EVI5L: variants seen among roughly 807,000 people sequenced by gnomAD.
The protein encoded by EVI5L is ecotropic viral integration site 5 like, also known as EVI5-like protein.
EVI5L carries 30 observed loss-of-function variants against 106.1 expected under a neutral mutation model. The observed-to-expected ratio is 0.28, with a 90% confidence interval of 0.21 to 0.38. The LOEUF (loss-of-function observed/expected upper bound fraction) is 0.38. Ranked by LOEUF, EVI5L falls within the 10% of genes least tolerant of loss-of-function variation. The pLI, the probability that EVI5L is intolerant of heterozygous loss-of-function variation, is 1.00. For missense variants in EVI5L, 809 were observed against 1,098.0 expected (o/e 0.74, Z 3.72); for synonymous variants, 489 against 483.3 (o/e 1.01, Z -0.15).
chr19:7,836,299 C>T (rs1044841023), intron 1 of EVI5L, among the ~76,000 whole-genome samples: 1 of 152,116 alleles, frequency 6.6e-6, no homozygotes, highest in South Asian at 2.1e-4. Flanking sequence ...GGAAAGGAAA[C>T]TCGGGGTCTT....
At chr19:7,843,200 GGT>G (rs1231261671) in intron 1 of EVI5L, among the ~76,000 whole-genome samples, 150 of 115,918 alleles carry the variant, frequency 1.3e-3, no homozygotes, top group Middle Eastern at 7.4e-3. Context: ...TGTGTATAGG[GGT>G]GTGTGTGTGA....
At chr19:7,838,520 T>A (rs988072916) in intron 1 of EVI5L, among the ~76,000 whole-genome samples, 1 of 152,242 alleles carries the variant, frequency 6.6e-6, no homozygotes, top group Non-Finnish European at 1.5e-5. Context: ...ACGTAACTTA[T>A]CACTGTTGAT....
rs933470126 is a variant in EVI5L at position 7,863,775 on chromosome 19, C to T, written c.*73C>T. On this transcript the variant is annotated 3_prime_UTR_variant, in exon 20 of 20. Transcript: ENST00000538904. The surrounding 1 kb of genome is among the most constrained non-coding windows in gnomAD (Gnocchi z 7.7). ...CGCCCGGGCAGTCCGCGTTCTGCTCCCCACCTGCCGCACTTGACAAACTAC... is the reference window on the plus strand; with the variant it reads ...CGCCCGGGCAGTCCGCGTTCTGCTCTCCACCTGCCGCACTTGACAAACTAC... 137 of 1,415,064 alleles carry T rather than the reference C, an allele frequency of 9.7e-5. 1 individual carries two copies. Among genetic ancestry groups the T allele is most frequent in the Admixed American group, 4.2e-4 (14 of 33,642 alleles). 87.7% of individuals were successfully genotyped at this position (1,415,064 alleles called of 1,614,324 possible). A position where few individuals can be genotyped will look rare whatever the true frequency, so the allele number is the denominator to read the frequency against.
chr19:7,834,675 A>G (rs1175483058), intron 1 of EVI5L, among the ~76,000 whole-genome samples: 1 of 152,222 alleles, frequency 6.6e-6, no homozygotes, highest in Non-Finnish European at 1.5e-5. Flanking sequence ...AGTGGGCTAG[A>G]CAGCCCCAGC....
intron 1 of EVI5L, among the ~76,000 whole-genome samples, chr19:7,839,187 C>G (rs568376653): frequency 2.2e-4 from 33 of 151,720 alleles, no homozygotes; most frequent in African/African-American, 7.7e-4. Flanking sequence ...CCTGTAGTCC[C>G]AGCTACTCAG....
Position 7,856,120 on chromosome 19 carries a change from C to T in EVI5L, c.1200+52C>T. 7.7e-7 allele frequency: 1 copy of T among 1,306,704 alleles called. No individual in the cohort carries two copies. Among genetic ancestry groups the T allele is most frequent in the Non-Finnish European group, 9.9e-7 (1 of 1,015,100 alleles). The allele number at this position is 1,306,704 out of a possible 1,614,324, so 80.9% of individuals were successfully genotyped here. A position where few individuals can be genotyped will look rare whatever the true frequency, so the allele number is the denominator to read the frequency against. On this transcript the variant is annotated intron_variant, in intron 11 of 19. Coordinates refer to ENST00000538904, the MANE Select transcript of EVI5L (RefSeq NM_001159944.3). The surrounding 1 kb of genome is among the most constrained non-coding windows in gnomAD (Gnocchi z 6.6). ...ATGGTCGCCATGGGGTGTGACCCAC[C>T]ATGCGGGGCATGGCCGCTAACCTGG...
chr19:7,848,204 G>A lies in EVI5L; in HGVS notation c.327+283G>A, dbSNP rs1165309753. Among the ~76,000 whole-genome samples, 1 of 152,156 alleles carries A rather than the reference G, an allele frequency of 6.6e-6. No individual in the cohort carries two copies. The highest frequency in any genetic ancestry group is 2.4e-5 in the African/African-American group (1 of 41,428). ...GTGGTGGCTCACGCCTGGAATCTCA[G>A]CACTTTGGGCGGCCAAGGTGGGAGG... On this transcript the variant is annotated intron_variant, in intron 3 of 19. Coordinates refer to ENST00000538904, the MANE Select transcript of EVI5L (RefSeq NM_001159944.3). The surrounding 1 kb of genome is among the most constrained non-coding windows in gnomAD (Gnocchi z 4.8).
At chr19:7,859,689 G>T (rs116635398) in intron 13 of EVI5L, among the ~76,000 whole-genome samples, 4,437 of 152,338 alleles carry the variant, frequency 0.029, 195 homozygotes, top group African/African-American at 0.099. Flanking sequence ...CGCCTTTCAG[G>T]CTCGTTAGAG....
chr19:7,860,196 C>A (rs1039861982), intron 13 of EVI5L, among the ~76,000 whole-genome samples: 2 of 152,218 alleles, frequency 1.3e-5, no homozygotes, highest in Non-Finnish European at 2.9e-5. Flanking sequence ...TCCCCCACCC[C>A]CTGCCTCGCC....
Position 7,849,291 on chromosome 19 carries a change from C to A in EVI5L, c.588C>A (p.Cys196Ter). 1 of 1,614,186 alleles carries A rather than the reference C, an allele frequency of 6.2e-7. No homozygotes were observed. The highest frequency in any genetic ancestry group is 8.5e-7 in the Non-Finnish European group (1 of 1,180,040). Residue 196 changes from cysteine to a stop codon, truncating the protein, a stop_gained, in exon 5 of 20, where the codon TGC becomes TGA. Coordinates refer to ENST00000538904, the MANE Select transcript of EVI5L (RefSeq NM_001159944.3). LOFTEE classifies it high-confidence loss of function. ...YSLVDREVGY[C>*]QGSAFIVGLL... ...TGGTAGACCGGGAGGTGGGCTACTG[C>A]CAGGGAAGCGCCTTCATCGTGGGCC...
At chr19:7,838,262 C>A (rs1978440876) in intron 1 of EVI5L, among the ~76,000 whole-genome samples, 1 of 152,110 alleles carries the variant, frequency 6.6e-6, no homozygotes, top group South Asian at 2.1e-4. Flanking sequence ...GCATGTGCCA[C>A]CACGCCCAGC....
intron 1 of EVI5L, among the ~76,000 whole-genome samples, chr19:7,833,890 G>A (rs1183155007): frequency 6.6e-6 from 1 of 152,202 alleles, no homozygotes; most frequent in Non-Finnish European, 1.5e-5. Context: ...GAGTTTAGGA[G>A]AACTAACTCA....
Position 7,849,988 on chromosome 19 carries a change from C to A in EVI5L, c.628-9C>A, listed in dbSNP as rs751446273. 2 of 1,583,904 alleles carry A rather than the reference C, an allele frequency of 1.3e-6. No individual in the cohort carries two copies. The highest frequency in any genetic ancestry group is 1.7e-6 in the Non-Finnish European group (2 of 1,164,886). On this transcript the variant is annotated splice_polypyrimidine_tract_variant and intron_variant, in intron 5 of 19. Transcript: ENST00000538904. Reference sequence around the variant, plus strand: ...GCCCTGAGCCCCCCCACCTGCCCGTCCCCCCTAGATGCCTGAGGAGGAGGC... The same window carrying A: ...GCCCTGAGCCCCCCCACCTGCCCGTACCCCCTAGATGCCTGAGGAGGAGGC...
intron 1 of EVI5L, among the ~76,000 whole-genome samples, chr19:7,843,082 GGT>G (rs1378504723): frequency 5.4e-5 from 8 of 148,922 alleles, no homozygotes; most frequent in Middle Eastern, 3.7e-3. Flanking sequence ...TGTGTGTATA[GGT>G]GTGTGAGTGT....
intron 13 of EVI5L, among the ~76,000 whole-genome samples, chr19:7,859,893 G>A (rs56188716): frequency 0.076 from 11,601 of 152,318 alleles, 528 homozygotes; most frequent in Non-Finnish European, 0.1. Context: ...AGACCCACAG[G>A]AAGAGGATGG....
Position 7,846,513 on chromosome 19 carries a change from C to A in EVI5L, c.-30C>A, listed in dbSNP as rs775897230. ...GCCCCCAGACAGAGCTGTGAACCAACCCCGCTCACGGCTAACAAGCCCACC... is the reference window on the plus strand; with the variant it reads ...GCCCCCAGACAGAGCTGTGAACCAAACCCGCTCACGGCTAACAAGCCCACC... On this transcript the variant is annotated 5_prime_UTR_variant, in exon 2 of 20. Transcript: ENST00000538904. 1.9e-6 allele frequency: 3 copies of A among 1,593,400 alleles called. No individual in the cohort carries two copies. The highest frequency in any genetic ancestry group is 1.8e-5 in the Admixed American group (1 of 56,076).
At position 7,848,052 on chromosome 19, in the gene EVI5L, G is replaced by T. The variant is rs1221073215; in HGVS notation, c.327+131G>T. 3.0e-6 allele frequency: 3 copies of T among 986,436 alleles called. No individual in the cohort carries two copies. The highest frequency in any genetic ancestry group is 4.4e-6 in the Non-Finnish European group (3 of 687,396). 61.1% of individuals were successfully genotyped at this position (986,436 alleles called of 1,614,324 possible). A position where few individuals can be genotyped will look rare whatever the true frequency, so the allele number is the denominator to read the frequency against. On this transcript the variant is annotated intron_variant, in intron 3 of 19. Transcript: ENST00000538904. The surrounding 1 kb of genome is among the most constrained non-coding windows in gnomAD (Gnocchi z 4.8). The stretch of plus-strand genomic sequence containing the variant: ...CAGCGGCAGCAGTGGAGATGTGCAG[G>T]CACTTTCAGGGTGTCCTGCCAGAGC...
At chr19:7,836,008 G>A (rs572730728) in intron 1 of EVI5L, among the ~76,000 whole-genome samples, 84 of 151,796 alleles carry the variant, frequency 5.5e-4, no homozygotes, top group Middle Eastern at 3.4e-3. Flanking sequence ...AGGCCGAGGC[G>A]GGAGGATCAC....
rs1034851314 is a variant in EVI5L, at chr19:7,848,031, G to A, written c.327+110G>A. 5.9e-6 allele frequency: 7 copies of A among 1,187,342 alleles called. No individual in the cohort carries two copies. The highest frequency in any genetic ancestry group is 5.6e-5 in the Admixed American group (2 of 35,674). 73.6% of individuals were successfully genotyped at this position (1,187,342 alleles called of 1,614,324 possible). A position where few individuals can be genotyped will look rare whatever the true frequency, so the allele number is the denominator to read the frequency against. ...TGCGGGGCCCCAGCCTGGGCACAGC[G>A]GCAGCAGTGGAGATGTGCAGGCACT... On this transcript the variant is annotated intron_variant, in intron 3 of 19. Transcript: ENST00000538904. The surrounding 1 kb of genome is among the most constrained non-coding windows in gnomAD (Gnocchi z 4.8).
Sources: gnomAD v4.1 joint callset for allele counts (sites outside exome capture counted in the v4.1 genomes callset) on GRCh38, gnomAD v4.1.1 for gene constraint, Gnocchi (gnomAD v3.1) non-coding constraint, MANE v1.5 for transcripts, NCBI Gene and HGNC (gene_info 2026-07-23, HGNC 2026-07-21) for gene names.